RPS6KC1: variants seen among roughly 807,000 people sequenced by gnomAD.
The protein encoded by RPS6KC1 is ribosomal protein S6 kinase C1.
A neutral mutation model predicts 103.8 loss-of-function variants in RPS6KC1; 54 were observed. That is an observed-to-expected ratio of 0.52 (90% confidence interval 0.42 to 0.65). RPS6KC1 has a LOEUF of 0.65. Among genes scored for constraint, RPS6KC1 ranks in the 30% least tolerant of loss-of-function variants. The pLI, the probability that RPS6KC1 is intolerant of heterozygous loss-of-function variation, is 0.00. For synonymous variants in RPS6KC1, 439 were observed against 438.7 expected, an observed-to-expected ratio of 1.00 and a Z score of -0.01; for missense variants, 1,151 against 1,253.8, an observed-to-expected ratio of 0.92 and a Z score of 1.24.
chr1:213,069,456 TC>T (rs2078669053), intron 1 of RPS6KC1, among the ~76,000 whole-genome samples: 1 of 152,210 alleles, frequency 6.6e-6, no homozygotes, highest in Admixed American at 6.5e-5. Context: ...GTTAGTATTA[TC>T]TCCGTTTTAT....
At chr1:213,709,690 C>T in the RPS6KC1 span, among the ~76,000 whole-genome samples, 1 of 152,154 alleles carries the variant, frequency 6.6e-6, no homozygotes, top group Non-Finnish European at 1.5e-5. Context: ...ACCACTTTAG[C>T]TGTGTCCCAC....
chr1:213,291,304 A>G, the RPS6KC1 span, among the ~76,000 whole-genome samples: 1 of 152,172 alleles, frequency 6.6e-6, no homozygotes, highest in East Asian at 1.9e-4. Context: ...ACCTTTTTAT[A>G]CTTTGAGGAG....
At chr1:213,158,625 A>G (rs906344419) in intron 6 of RPS6KC1, among the ~76,000 whole-genome samples, 1 of 152,226 alleles carries the variant, frequency 6.6e-6, no homozygotes, top group Admixed American at 6.5e-5. Flanking sequence ...GTATCGAAAT[A>G]AAGAGTTAAA....
the RPS6KC1 span, among the ~76,000 whole-genome samples, chr1:213,721,685 A>G: frequency 1.3e-5 from 2 of 152,206 alleles, no homozygotes; most frequent in African/African-American, 2.4e-5. Context: ...GCCATAGCTC[A>G]GGGCATCTTA....
At chr1:213,501,747 GAAAA>G in the RPS6KC1 span, among the ~76,000 whole-genome samples, 2 of 142,678 alleles carry the variant, frequency 1.4e-5, no homozygotes, top group Admixed American at 1.4e-4. Flanking sequence ...AAAAAAAAAA[GAAAA>G]AAAAGAAAAA....
the RPS6KC1 span, among the ~76,000 whole-genome samples, chr1:213,627,998 G>A: frequency 2.0e-5 from 3 of 152,294 alleles, no homozygotes; most frequent in South Asian, 4.1e-4. Context: ...AGAAGGAATG[G>A]TACCAGCTCC....
At chr1:213,124,688 T>G (rs780083385) in intron 5 of RPS6KC1, among the ~76,000 whole-genome samples, 2 of 152,166 alleles carry the variant, frequency 1.3e-5, no homozygotes, top group Non-Finnish European at 1.5e-5. Flanking sequence ...AGTTTTTAAA[T>G]GTTATCTTCC....
chr1:213,807,356 A>G, the RPS6KC1 span, among the ~76,000 whole-genome samples: 1 of 152,114 alleles, frequency 6.6e-6, no homozygotes, highest in South Asian at 2.1e-4. Flanking sequence ...TTTCTCCTGG[A>G]TAATATCCTG....
chr1:213,216,616 T>C (rs1269129186), intron 8 of RPS6KC1, among the ~76,000 whole-genome samples: 1 of 152,146 alleles, frequency 6.6e-6, no homozygotes, highest in South Asian at 2.1e-4. Context: ...ACCACATACT[T>C]GGAAGTAAAG....
intron 7 of RPS6KC1, among the ~76,000 whole-genome samples, chr1:213,171,159 T>C (rs2091445820): frequency 6.6e-6 from 1 of 152,130 alleles, no homozygotes; most frequent in Admixed American, 6.6e-5. Flanking sequence ...AGTTCTAAGT[T>C]TCCCAGTCAT....
the RPS6KC1 span, among the ~76,000 whole-genome samples, chr1:213,371,098 C>A: frequency 6.6e-6 from 1 of 152,120 alleles, no homozygotes; most frequent in South Asian, 2.1e-4. Context: ...CATTAAACAA[C>A]AACTCCCCCT....
At chr1:213,146,761 C>T (rs1178229153) in intron 6 of RPS6KC1, among the ~76,000 whole-genome samples, 1 of 151,958 alleles carries the variant, frequency 6.6e-6, no homozygotes, top group Admixed American at 6.6e-5. Context: ...GAGGAACCTC[C>T]AAACTGTTGA....
At chr1:213,703,861 T>G in the RPS6KC1 span, among the ~76,000 whole-genome samples, 1 of 152,208 alleles carries the variant, frequency 6.6e-6, no homozygotes, top group Non-Finnish European at 1.5e-5. Flanking sequence ...GATATTGATA[T>G]CTTTCTCTAG....
chr1:213,607,726 C>CACACACAA, the RPS6KC1 span, among the ~76,000 whole-genome samples: 1 of 149,416 alleles, frequency 6.7e-6, no homozygotes, highest in South Asian at 2.1e-4. Context: ...CACACACACA[C>CACACACAA]AAAATAAATA....
intron 12 of RPS6KC1, among the ~76,000 whole-genome samples, chr1:213,247,743 G>A (rs1222774762): frequency 6.6e-6 from 1 of 152,104 alleles, no homozygotes; most frequent in Non-Finnish European, 1.5e-5. Context: ...ACAGATGTCA[G>A]ATCATCTGAC....
chr1:213,817,446 C>G, the RPS6KC1 span, among the ~76,000 whole-genome samples: 2 of 152,218 alleles, frequency 1.3e-5, no homozygotes, highest in Non-Finnish European at 2.9e-5. Flanking sequence ...ATTACCACTG[C>G]TAGAGGCATT....
At chr1:213,278,989 C>G (rs979163919), downstream of RPS6KC1, among the ~76,000 whole-genome samples, 1 of 151,664 alleles carries the variant, frequency 6.6e-6, no homozygotes, top group African/African-American at 2.4e-5. Context: ...GAAAGCTATG[C>G]GTATTCTGTT....
At chr1:213,217,871 C>T (rs1262248056) in intron 8 of RPS6KC1, among the ~76,000 whole-genome samples, 2 of 152,080 alleles carry the variant, frequency 1.3e-5, no homozygotes, top group Non-Finnish European at 2.9e-5. Flanking sequence ...TGGGATGTAT[C>T]TCAAAATAAT....
chr1:213,784,013 A>G, the RPS6KC1 span, among the ~76,000 whole-genome samples: 1 of 152,120 alleles, frequency 6.6e-6, no homozygotes, highest in Non-Finnish European at 1.5e-5. Flanking sequence ...AAGCCACAAC[A>G]AGGCTTTGCT....
Sources: gnomAD v4.1 joint callset for allele counts (sites outside exome capture counted in the v4.1 genomes callset) on GRCh38, gnomAD v4.1.1 for gene constraint, MANE v1.5 for transcripts, NCBI Gene and HGNC (gene_info 2026-07-23, HGNC 2026-07-21) for gene names.